ARID2: variants seen among roughly 807,000 people sequenced by gnomAD.
ARID2 encodes the protein AT-rich interactive domain-containing protein 2.
In ARID2, 32 loss-of-function variants were observed where a neutral mutation model predicts 184.6. The observed-to-expected ratio is 0.17, with a 90% CI of 0.13 to 0.23. ARID2 has a LOEUF of 0.23. Ranked by LOEUF, ARID2 falls within the 10% of genes least tolerant of loss-of-function variation. ARID2 has a pLI of 1.00. For synonymous variants in ARID2, 836 were observed against 772.6 expected (o/e 1.08, Z -1.36); for missense variants, 1,696 against 2,197.6 (o/e 0.77, Z 4.56).
At chr12:45,849,852 A>G in intron 14 of ARID2, 76 bp downstream of exon 14, 1 of 1,452,200 alleles carries the variant, frequency 6.9e-7, no homozygotes, top group Non-Finnish European at 9.2e-7. Flanking sequence ...TATTCTATGC[A>G]TTTTAAATGT....
At chr12:45,752,032 G>A (rs773183177) in intron 3 of ARID2, among the ~76,000 whole-genome samples, 3 of 152,082 alleles carry the variant, frequency 2.0e-5, no homozygotes, top group South Asian at 4.1e-4. Flanking sequence ...ACTTTAATTA[G>A]CAGAGACCTC....
At chr12:45,781,871 G>T (rs556723153) in intron 3 of ARID2, among the ~76,000 whole-genome samples, 3 of 152,156 alleles carry the variant, frequency 2.0e-5, no homozygotes, top group Non-Finnish European at 4.4e-5. Flanking sequence ...GAGTTAATTG[G>T]TATGGAATCC....
intron 3 of ARID2, among the ~76,000 whole-genome samples, chr12:45,741,013 G>A (rs1332634736): frequency 6.6e-6 from 1 of 152,112 alleles, no homozygotes; most frequent in African/African-American, 2.4e-5. Flanking sequence ...GACATACCTT[G>A]AGACCATGAA....
At chr12:45,766,210 A>G (rs1342743693) in intron 3 of ARID2, among the ~76,000 whole-genome samples, 1 of 150,910 alleles carries the variant, frequency 6.6e-6, no homozygotes, top group Non-Finnish European at 1.5e-5. Flanking sequence ...CTCTGTCACC[A>G]AGACTGGAGT....
intron 5 of ARID2, among the ~76,000 whole-genome samples, chr12:45,820,836 T>C (rs1942882700): frequency 6.6e-6 from 1 of 152,140 alleles, no homozygotes; most frequent in Non-Finnish European, 1.5e-5. Flanking sequence ...CAGAGCGTTA[T>C]TAAGAAGAAG....
chr12:45,751,396 A>G (rs892075447), intron 3 of ARID2, among the ~76,000 whole-genome samples: 1 of 152,208 alleles, frequency 6.6e-6, no homozygotes, highest in Non-Finnish European at 1.5e-5. Flanking sequence ...GAGAGGTACA[A>G]TCTGGGAGCA....
rs1024754129 is a variant in ARID2, at chr12:45,898,700, G to A, written c.5363+4979G>A. Reference sequence around the variant, plus strand: ...GGAGGCTGAGGCGGGCGGATCATCCGAGGTCAGGAGTTTGAGACCAGCCTG... The same window carrying A: ...GGAGGCTGAGGCGGGCGGATCATCCAAGGTCAGGAGTTTGAGACCAGCCTG... On this transcript the variant is annotated intron_variant, in intron 20 of 20. Coordinates refer to ENST00000334344, the MANE Select transcript of ARID2 (RefSeq NM_152641.4). 3.9e-5 allele frequency among the ~76,000 whole-genome samples: 6 copies of A among 152,264 alleles called. No homozygotes were observed. The South Asian group carries it at 6.2e-4, about 16-fold the overall frequency.
At chr12:45,743,519 C>T (rs919299318) in intron 3 of ARID2, among the ~76,000 whole-genome samples, 20 of 152,230 alleles carry the variant, frequency 1.3e-4, no homozygotes, top group African/African-American at 3.6e-4. Context: ...TACAGACATG[C>T]ACCACTGTGC....
chr12:45,867,174 C>T (rs977738857), intron 16 of ARID2, among the ~76,000 whole-genome samples: 2 of 152,000 alleles, frequency 1.3e-5, no homozygotes, highest in African/African-American at 4.8e-5. Context: ...TGGTCTTGAA[C>T]TCCTGACCTC....
chr12:45,803,331 T>A (rs1942541325), intron 3 of ARID2, among the ~76,000 whole-genome samples: 1 of 151,828 alleles, frequency 6.6e-6, no homozygotes. Flanking sequence ...TCCAACAGTA[T>A]TTTTTTTGCC....
At position 45,836,892 on chromosome 12, in the gene ARID2, T is replaced by C. The variant is rs768025162; in HGVS notation, c.924T>C (p.Ala308=). The C allele has an allele frequency of 6.2e-7, 1 of 1,614,178 alleles. No homozygotes were observed. Among genetic ancestry groups the C allele is most frequent in the Non-Finnish European group, 8.5e-7 (1 of 1,180,014 alleles). Residue 308 remains alanine (A), a synonymous_variant, in exon 8 of 21, where the codon GCT becomes GCC. Coordinates refer to ENST00000334344, the MANE Select transcript of ARID2 (RefSeq NM_152641.4). ...AGGGCAATGTTAAGCTCTTGGCAGC[T>C]AATCGTACCTGTCTTCGTTTCCTAT... ...FEEGNVKLLA[A]NRTCLRFLLL... is the part of the protein sequence containing the mutation.
At chr12:45,838,213 G>T (rs1943256528) in intron 10 of ARID2, among the ~76,000 whole-genome samples, 1 of 152,202 alleles carries the variant, frequency 6.6e-6, no homozygotes, top group African/African-American at 2.4e-5. Flanking sequence ...GTTGCTGGTA[G>T]TGCTGCAATC....
chr12:45,813,919 C>T (rs1023523750), intron 4 of ARID2, among the ~76,000 whole-genome samples: 3 of 152,088 alleles, frequency 2.0e-5, no homozygotes, highest in Admixed American at 6.6e-5. Flanking sequence ...CCTAATACTT[C>T]AGTTTCCTTC....
chr12:45,745,700 A>G (rs1941341957), intron 3 of ARID2, among the ~76,000 whole-genome samples: 2 of 152,148 alleles, frequency 1.3e-5, no homozygotes, highest in African/African-American at 4.8e-5. Context: ...GGCACACAAC[A>G]ACATGCCTGG....
At chr12:45,854,305 A>G (rs191269885) in intron 15 of ARID2, among the ~76,000 whole-genome samples, 3 of 152,308 alleles carry the variant, frequency 2.0e-5, no homozygotes, top group Admixed American at 1.3e-4. Context: ...TAATAAATGT[A>G]ATGCGCTTGT....
At chr12:45,903,305 C>A (rs1944481654) in intron 20 of ARID2, among the ~76,000 whole-genome samples, 1 of 152,030 alleles carries the variant, frequency 6.6e-6, no homozygotes. Flanking sequence ...ACATTCTAAA[C>A]CATATTCTGT....
intron 3 of ARID2, among the ~76,000 whole-genome samples, chr12:45,745,385 G>GGAT (rs771823266): frequency 1.3e-5 from 2 of 151,958 alleles, no homozygotes; most frequent in Non-Finnish European, 2.9e-5. Flanking sequence ...GCCTGCGTGG[G>GGAT]GATAATTGAC....
chr12:45,812,798 A>G (rs965854171), intron 4 of ARID2, among the ~76,000 whole-genome samples: 2 of 152,198 alleles, frequency 1.3e-5, no homozygotes, highest in African/African-American at 4.8e-5. Context: ...ACCTTTAAAG[A>G]TCATTTTCAA....
At chr12:45,892,312 C>T (rs1161103492) in intron 18 of ARID2, among the ~76,000 whole-genome samples, 1 of 152,188 alleles carries the variant, frequency 6.6e-6, no homozygotes, top group Non-Finnish European at 1.5e-5. Flanking sequence ...AGTTACCTTT[C>T]AGCTCTAACA....
Sources: allele counts gnomAD v4.1 joint callset (sites outside exome capture counted in the v4.1 genomes callset), GRCh38; gene constraint gnomAD v4.1.1; transcripts MANE v1.5; gene names NCBI Gene and HGNC (gene_info 2026-07-23, HGNC 2026-07-21).